Variants in TENM3 observed in about 807,000 individuals in gnomAD.
The protein encoded by TENM3 is teneurin-3.
TENM3 carries 63 observed loss-of-function variants against 255.1 expected under a neutral mutation model. That is an observed-to-expected ratio of 0.25 (90% CI 0.20 to 0.30). The LOEUF (loss-of-function observed/expected upper bound fraction) is 0.30, where lower values mean the gene tolerates loss of function less well. Ranked by LOEUF, TENM3 falls within the 10% of genes least tolerant of loss-of-function variation. The pLI is 1.00. For synonymous variants in TENM3, 1,306 were observed against 1,322.3 expected, an observed-to-expected ratio of 0.99 and a Z score of 0.27; for missense variants, 2,929 against 3,461.1, an observed-to-expected ratio of 0.85 and a Z score of 3.86.
the TENM3 span, among the ~76,000 whole-genome samples, chr4:181,835,686 G>T: frequency 6.6e-6 from 1 of 152,184 alleles, no homozygotes; most frequent in Non-Finnish European, 1.5e-5. Context: ...GTTATTTAAT[G>T]AAGAACGTGA....
intron 12 of TENM3, among the ~76,000 whole-genome samples, chr4:182,694,370 T>G (rs1167998048): frequency 6.6e-6 from 1 of 152,124 alleles, no homozygotes; most frequent in Non-Finnish European, 1.5e-5. Flanking sequence ...TGCCTCAGCC[T>G]CCCAAGGTGC....
intron 1 of TENM3, among the ~76,000 whole-genome samples, chr4:182,199,331 A>G (rs1238138384): frequency 6.6e-6 from 1 of 152,122 alleles, no homozygotes; most frequent in Non-Finnish European, 1.5e-5. Flanking sequence ...CTGAGGCAGG[A>G]GAATGGCCTG....
the TENM3 span, among the ~76,000 whole-genome samples, chr4:181,948,634 T>C: frequency 2.0e-5 from 3 of 152,096 alleles, no homozygotes; most frequent in African/African-American, 7.2e-5. Context: ...GCCAGGCTGA[T>C]CTCGAACTCC....
At chr4:181,729,191 T>C in the TENM3 span, among the ~76,000 whole-genome samples, 2 of 152,298 alleles carry the variant, frequency 1.3e-5, no homozygotes, top group East Asian at 1.9e-4. Flanking sequence ...TAAAAAAATA[T>C]GAGAAGTTAT....
the TENM3 span, among the ~76,000 whole-genome samples, chr4:181,749,309 C>CT: frequency 1.3e-5 from 2 of 151,848 alleles, no homozygotes; most frequent in African/African-American, 4.8e-5. Context: ...GCAGAAAGAA[C>CT]TTGGCAAGGG....
At chr4:182,132,315 T>A in the TENM3 span, among the ~76,000 whole-genome samples, 1 of 150,892 alleles carries the variant, frequency 6.6e-6, no homozygotes. Context: ...CCGTCTCTAC[T>A]AAAAAAAAAC....
intron 12 of TENM3, among the ~76,000 whole-genome samples, chr4:182,692,975 G>A (rs1229829005): frequency 1.3e-5 from 2 of 151,840 alleles, no homozygotes; most frequent in Non-Finnish European, 2.9e-5. Flanking sequence ...GATAATTTCT[G>A]CTTTATTTGG....
intron 2 of TENM3, among the ~76,000 whole-genome samples, chr4:182,335,245 T>TCC (rs1057235856): frequency 6.7e-6 from 1 of 149,168 alleles, no homozygotes; most frequent in African/African-American, 2.5e-5. Flanking sequence ...ACGCCTGTAA[T>TCC]CCCAGCACTT....
the TENM3 span, among the ~76,000 whole-genome samples, chr4:182,071,773 A>T: frequency 1.3e-5 from 2 of 152,312 alleles, no homozygotes; most frequent in Middle Eastern, 3.4e-3. Flanking sequence ...CAATAGATTA[A>T]TGTCAACGAT....
At chr4:182,584,935 C>T (rs1167329390) in intron 3 of TENM3, among the ~76,000 whole-genome samples, 1 of 152,170 alleles carries the variant, frequency 6.6e-6, no homozygotes, top group Non-Finnish European at 1.5e-5. Flanking sequence ...AGCCACCGTG[C>T]CCAGCTGTAT....
the TENM3 span, among the ~76,000 whole-genome samples, chr4:181,887,013 A>C: frequency 6.6e-6 from 1 of 152,182 alleles, no homozygotes; most frequent in African/African-American, 2.4e-5. Flanking sequence ...GGCTCATAAG[A>C]ACCCAGCAAA....
At chr4:182,580,962 A>C (rs1745438917) in intron 3 of TENM3, among the ~76,000 whole-genome samples, 1 of 152,196 alleles carries the variant, frequency 6.6e-6, no homozygotes, top group Non-Finnish European at 1.5e-5. Flanking sequence ...TACAACTGTC[A>C]CTTGATTATG....
the TENM3 span, among the ~76,000 whole-genome samples, chr4:181,719,112 A>G: frequency 4.6e-5 from 7 of 151,722 alleles, no homozygotes; most frequent in Non-Finnish European, 1.5e-5. Context: ...AGGCTGAGGC[A>G]GGAGAATGGC....
At chr4:182,681,128 A>C (rs566952027) in intron 10 of TENM3, among the ~76,000 whole-genome samples, 10 of 152,342 alleles carry the variant, frequency 6.6e-5, no homozygotes, top group Non-Finnish European at 1.3e-4. Flanking sequence ...ACCTAAAAGA[A>C]GTATGACATC....
the TENM3 span, among the ~76,000 whole-genome samples, chr4:182,065,771 C>T: frequency 6.6e-6 from 1 of 152,038 alleles, no homozygotes; most frequent in Non-Finnish European, 1.5e-5. Flanking sequence ...GAAATACTGA[C>T]AACAAGATTC....
the TENM3 span, among the ~76,000 whole-genome samples, chr4:181,673,256 G>C: frequency 3.3e-5 from 5 of 152,020 alleles, no homozygotes; most frequent in Non-Finnish European, 7.4e-5. Context: ...GGGGAATGTG[G>C]ATTTTTCCAT....
At chr4:182,326,953 G>A (rs1763452222) in intron 2 of TENM3, among the ~76,000 whole-genome samples, 2 of 152,220 alleles carry the variant, frequency 1.3e-5, no homozygotes, top group African/African-American at 4.8e-5. Context: ...TTGGGTGAAT[G>A]AGGACGAGTG....
chr4:181,831,650 C>T, the TENM3 span, among the ~76,000 whole-genome samples: 1 of 151,996 alleles, frequency 6.6e-6, no homozygotes, highest in Non-Finnish European at 1.5e-5. Context: ...AGGAATGTTA[C>T]AAAAATCTGA....
intron 1 of TENM3, among the ~76,000 whole-genome samples, chr4:182,159,660 C>G (rs1387168890): frequency 6.6e-6 from 1 of 152,094 alleles, no homozygotes; most frequent in Non-Finnish European, 1.5e-5. Flanking sequence ...CCTGGCTTGC[C>G]AAGTTACCCA....
Sources: allele counts gnomAD v4.1 joint callset (sites outside exome capture counted in the v4.1 genomes callset), GRCh38; gene constraint gnomAD v4.1.1; transcripts MANE v1.5; gene names NCBI Gene and HGNC (gene_info 2026-07-23, HGNC 2026-07-21).